TMEM266: variants seen among roughly 807,000 people sequenced by gnomAD.
TMEM266 encodes transmembrane protein 266, also known as Hv1 related protein 1.
TMEM266 carries 33 observed loss-of-function variants against 50.5 expected under a neutral mutation model. The ratio of observed to expected loss-of-function variants is 0.65; its 90% CI spans 0.50 to 0.87. TMEM266 has a LOEUF of 0.87. Among genes scored for constraint, TMEM266 ranks in the 40% least tolerant of loss-of-function variants. The probability of loss-of-function intolerance (pLI) is 0.00; values close to 1 mark genes in which losing one functional copy is unlikely to be tolerated. For missense variants in TMEM266, 655 were observed against 695.1 expected, an observed-to-expected ratio of 0.94 and a Z score of 0.65; for synonymous variants, 310 against 292.3, an observed-to-expected ratio of 1.06 and a Z score of -0.62.
At chr15:76,176,614 G>A (rs2038286750) in intron 8 of TMEM266, 2 of 152,306 alleles carry the variant, frequency 1.3e-5, no homozygotes, top group South Asian at 4.1e-4. Flanking sequence ...GCGCAAGCCA[G>A]AGACGCTAAG....
chr15:76,204,278 C>A lies in TMEM266; in HGVS notation c.1559C>A (p.Ser520Tyr), dbSNP rs748075707. The A allele has an allele frequency of 6.2e-7, 1 of 1,612,270 alleles. No individual in the cohort carries two copies. Among genetic ancestry groups the A allele is most frequent in the Admixed American group, 1.7e-5 (1 of 59,976 alleles). Reference sequence around the variant, plus strand: ...GAGGACAAGTTCAGATCTTTGGAATCCAAAGAGCAAAAGCTGCACAGGGTC... The same window carrying A: ...GAGGACAAGTTCAGATCTTTGGAATACAAAGAGCAAAAGCTGCACAGGGTC... The change falls in exon 11 of 11, where the codon TCC (serine) becomes TAC (tyrosine). Residue 520 changes from serine to tyrosine, a missense_variant. By Grantham distance (144) the Ser-to-Tyr change is moderately radical. Transcript: ENST00000388942.
At position 76,163,352 on chromosome 15, in the gene TMEM266, G is replaced by C. The variant is rs539533522; in HGVS notation, c.456+3184G>C. ...TCTGTTCAAATGGGCCAAGCTGTTTGACAGTGAGACAGATGCTCTCAAAGC... is the reference window on the plus strand; with the variant it reads ...TCTGTTCAAATGGGCCAAGCTGTTTCACAGTGAGACAGATGCTCTCAAAGC... On this transcript the variant is annotated intron_variant, in intron 5 of 10. Transcript: ENST00000388942. Among the ~76,000 whole-genome samples, 4 of 152,356 alleles carry C rather than the reference G, an allele frequency of 2.6e-5. No homozygotes were observed. The East Asian group carries it at 7.7e-4, about 29-fold the overall frequency.
intron 1 of TMEM266, among the ~76,000 whole-genome samples, chr15:76,126,636 A>G (rs998313411): frequency 4.6e-5 from 7 of 151,522 alleles, no homozygotes; most frequent in African/African-American, 1.5e-4. Context: ...AGTTCAAGCA[A>G]TTCTCCTGCC....
chr15:76,204,082 C>T lies in TMEM266; in HGVS notation c.1363C>T (p.Gln455Ter), dbSNP rs1404251068. The change falls in exon 11 of 11, where the codon CAG (glutamine) becomes TAG (stop). Residue 455 changes from glutamine to a stop codon, truncating the protein, a stop_gained. Transcript: ENST00000388942. LOFTEE classifies it high-confidence loss of function. ...CCTGTCGGAGGACCCCTGCCCTTCCCAGAAGGCCTTGGACCCAGCCCCCCT... is the reference window on the plus strand; with the variant it reads ...CCTGTCGGAGGACCCCTGCCCTTCCTAGAAGGCCTTGGACCCAGCCCCCCT... The T allele has an allele frequency of 6.2e-7, 1 of 1,612,726 alleles. No individual in the cohort carries two copies. The highest frequency in any genetic ancestry group is 1.1e-5 in the South Asian group (1 of 91,058).
chr15:76,175,808 G>A (rs1350230248), intron 8 of TMEM266, 134 bp downstream of exon 8: 11 of 656,700 alleles, frequency 1.7e-5, no homozygotes, highest in Non-Finnish European at 2.9e-5. Flanking sequence ...GGACTCATGG[G>A]GAACCTGAAG....
chr15:76,071,704 T>A (rs1199396134), intron 1 of TMEM266, among the ~76,000 whole-genome samples: 1 of 152,144 alleles, frequency 6.6e-6, no homozygotes, highest in Non-Finnish European at 1.5e-5. Context: ...TACTCTACTC[T>A]TTGGTTCCCA....
chr15:76,170,946 G>A (rs764304917), intron 6 of TMEM266, 47 bp from the exon 7 acceptor site: 46 of 1,577,980 alleles, frequency 2.9e-5, no homozygotes, highest in Non-Finnish European at 3.6e-5. Context: ...CCCTGGTCCC[G>A]GACACACGGC....
At chr15:76,185,933 G>C (rs1400170367) in intron 8 of TMEM266, among the ~76,000 whole-genome samples, 1 of 152,176 alleles carries the variant, frequency 6.6e-6, no homozygotes, top group East Asian at 1.9e-4. Context: ...ACCAAGGCCC[G>C]GGGAAGAAAA....
At chr15:76,100,038 A>G (rs556619547) in intron 1 of TMEM266, among the ~76,000 whole-genome samples, 114 of 152,250 alleles carry the variant, frequency 7.5e-4, no homozygotes, top group African/African-American at 2.1e-3. Flanking sequence ...CTGTGATCCA[A>G]TCACCTCCCA....
chr15:76,090,213 C>T (rs542182493), intron 1 of TMEM266, among the ~76,000 whole-genome samples: 7 of 151,924 alleles, frequency 4.6e-5, no homozygotes, highest in South Asian at 2.1e-4. Flanking sequence ...GGAAGAGAGC[C>T]GGGCATGATG....
intron 9 of TMEM266, among the ~76,000 whole-genome samples, chr15:76,196,252 T>G (rs954109101): frequency 6.6e-6 from 1 of 152,170 alleles, no homozygotes; most frequent in African/African-American, 2.4e-5. Context: ...CTTCCCTGCT[T>G]CTTCTGGGGT....
chr15:76,094,920 T>C (rs1465053446), intron 1 of TMEM266, among the ~76,000 whole-genome samples: 1 of 152,064 alleles, frequency 6.6e-6, no homozygotes, highest in African/African-American at 2.4e-5. Context: ...TGTTTGTCTG[T>C]TATTGGTGTA....
rs142212494 is a variant in TMEM266 at position 76,133,908 on chromosome 15, C to T, written c.-96-260C>T. Among the ~76,000 whole-genome samples, 373 of 152,256 alleles carry T rather than the reference C, an allele frequency of 2.4e-3. 1 individual carries two copies. Among genetic ancestry groups the T allele is most frequent in the African/African-American group, 8.6e-3 (356 of 41,556 alleles). On this transcript the variant is annotated intron_variant, in intron 1 of 10. Transcript: ENST00000388942. ...GAACTGTGGATGAGAAGTCAGAGAACCTGGGCACTAACCTGGCTCTTCTAC... is the reference window on the plus strand; with the variant it reads ...GAACTGTGGATGAGAAGTCAGAGAATCTGGGCACTAACCTGGCTCTTCTAC...
chr15:76,082,227 T>G (rs2935988), intron 1 of TMEM266, among the ~76,000 whole-genome samples: 7,752 of 152,290 alleles, frequency 0.051, 622 homozygotes, highest in African/African-American at 0.17. Context: ...AAATGTATGT[T>G]ATGCATGACT....
intron 1 of TMEM266, among the ~76,000 whole-genome samples, chr15:76,064,779 G>T (rs2036380445): frequency 6.6e-6 from 1 of 152,214 alleles, no homozygotes; most frequent in African/African-American, 2.4e-5. Flanking sequence ...GCCCTTTGCA[G>T]CCCAGGTTTT....
At chr15:76,125,840 T>G (rs11856627) in intron 1 of TMEM266, among the ~76,000 whole-genome samples, 1,564 of 129,802 alleles carry the variant, frequency 0.012, 27 homozygotes, top group African/African-American at 0.045. Context: ...AGAATGAGAC[T>G]CCATGTAAAA....
chr15:76,190,693 C>T (rs554268912), intron 8 of TMEM266, among the ~76,000 whole-genome samples: 1 of 152,190 alleles, frequency 6.6e-6, no homozygotes, highest in African/African-American at 2.4e-5. Flanking sequence ...TTTGGAGAGA[C>T]AGTGAGGAGT....
chr15:76,082,065 C>G (rs985641579), intron 1 of TMEM266, among the ~76,000 whole-genome samples: 3 of 152,196 alleles, frequency 2.0e-5, no homozygotes, highest in Non-Finnish European at 2.9e-5. Flanking sequence ...TCTCTTCATC[C>G]TCTGTTGGCT....
intron 3 of TMEM266, among the ~76,000 whole-genome samples, chr15:76,142,155 G>A (rs1436395584): frequency 1.3e-5 from 2 of 152,202 alleles, no homozygotes; most frequent in Admixed American, 6.5e-5. Flanking sequence ...TTGGGAGGCC[G>A]AGGTAGGCAG....
Sources: allele counts gnomAD v4.1 joint callset (sites outside exome capture counted in the v4.1 genomes callset), GRCh38; gene constraint gnomAD v4.1.1; transcripts MANE v1.5; gene names NCBI Gene and HGNC (gene_info 2026-07-23, HGNC 2026-07-21).